The following PLCB1 variants were observed in gnomAD, a reference collection of about 807,000 sequenced individuals.
PLCB1 encodes the protein phospholipase C beta 1.
PLCB1 carries 46 observed loss-of-function variants against 161.8 expected under a neutral mutation model. The ratio of observed to expected loss-of-function variants is 0.28; its 90% CI spans 0.22 to 0.36. The LOEUF (loss-of-function observed/expected upper bound fraction) is 0.36. PLCB1 is among the 10% of genes least tolerant of loss of function. The pLI, the probability that PLCB1 is intolerant of heterozygous loss-of-function variation, is 1.00. For synonymous variants in PLCB1, 517 were observed against 503.7 expected (o/e 1.03, Z -0.35); for missense variants, 1,016 against 1,472.5 (o/e 0.69, Z 5.07).
intron 3 of PLCB1, among the ~76,000 whole-genome samples, chr20:8,509,556 G>A (rs1983782628): frequency 6.6e-6 from 1 of 152,048 alleles, no homozygotes; most frequent in African/African-American, 2.4e-5. Context: ...AAGAGAGAGT[G>A]GATATTTCAG....
intron 2 of PLCB1, among the ~76,000 whole-genome samples, chr20:8,166,349 A>G (rs2051674826): frequency 6.6e-6 from 1 of 152,116 alleles, no homozygotes; most frequent in African/African-American, 2.4e-5. Context: ...ATTTTTATAT[A>G]ATTTTACATT....
chr20:8,327,730 C>T (rs6055737), intron 2 of PLCB1, among the ~76,000 whole-genome samples: 14,110 of 152,122 alleles, frequency 0.093, 1,266 homozygotes, highest in African/African-American at 0.23. Flanking sequence ...TTTTAGTTCA[C>T]TTGTGCCTTC....
At chr20:8,450,249 T>C (rs879222154) in intron 3 of PLCB1, among the ~76,000 whole-genome samples, 1 of 152,208 alleles carries the variant, frequency 6.6e-6, no homozygotes, top group Non-Finnish European at 1.5e-5. Flanking sequence ...TCATTTCTCT[T>C]GAAAAATTTC....
At chr20:8,560,512 C>A (rs1266400495) in intron 3 of PLCB1, among the ~76,000 whole-genome samples, 1 of 151,974 alleles carries the variant, frequency 6.6e-6, no homozygotes, top group Non-Finnish European at 1.5e-5. Flanking sequence ...CAATCAGAAT[C>A]TCTGAGAATT....
chr20:8,661,211 C>T (rs918678394), intron 9 of PLCB1, among the ~76,000 whole-genome samples: 1 of 152,112 alleles, frequency 6.6e-6, no homozygotes, highest in African/African-American at 2.4e-5. Flanking sequence ...CTAGAAGATG[C>T]ACCTGCTCAT....
rs886056969 is a variant in PLCB1, at chr20:8,882,272, G to A, written c.*423G>A. The A allele has an allele frequency of 1.2e-5, 2 of 165,650 alleles. No individual in the cohort carries two copies. Among genetic ancestry groups the A allele is most frequent in the African/African-American group, 2.4e-5 (1 of 41,532 alleles). 10.3% of individuals were successfully genotyped at this position (165,650 alleles called of 1,614,324 possible). On this transcript the variant is annotated 3_prime_UTR_variant, in exon 32 of 32. Coordinates refer to ENST00000338037, the MANE Select transcript of PLCB1 (RefSeq NM_015192.4). ...CATTATTTAACACTATTGAACAGCC[G>A]ACTTTGAGCATTGTTTCTTCTAACT...
At chr20:8,543,538 T>C (rs1354219893) in intron 3 of PLCB1, among the ~76,000 whole-genome samples, 1 of 151,628 alleles carries the variant, frequency 6.6e-6, no homozygotes, top group Non-Finnish European at 1.5e-5. Flanking sequence ...ATTACACTCA[T>C]GTATATATTT....
Position 8,724,512 on chromosome 20 carries a change from C to T in PLCB1, c.1582-144C>T, listed in dbSNP as rs922288969. ...ATGAGGTGTTGCTGTTGCCTTTCTC[C>T]TGTAATGAATTTTCATTTTGTAATT... is the stretch of plus-strand genomic sequence containing the variant. On this transcript the variant is annotated intron_variant, in intron 15 of 31. Coordinates refer to ENST00000338037, the MANE Select transcript of PLCB1 (RefSeq NM_015192.4). 7 of 635,094 alleles carry T rather than the reference C, an allele frequency of 1.1e-5. No homozygotes were observed. The African/African-American group carries it at 1.1e-4, about 10-fold the overall frequency. The allele number at this position is 635,094 out of a possible 1,614,324, so 39.3% of individuals were successfully genotyped here.
intron 7 of PLCB1, chr20:8,651,563 T>C (rs780896920): frequency 2.8e-6 from 2 of 713,352 alleles, no homozygotes; most frequent in Non-Finnish European, 5.2e-6. Context: ...AGGAAAAATA[T>C]AACAATTAAG....
chr20:8,804,593 T>A (rs1984436830), intron 31 of PLCB1, among the ~76,000 whole-genome samples: 2 of 152,228 alleles, frequency 1.3e-5, no homozygotes. Flanking sequence ...AAGATTTTTG[T>A]ACTAATTTTA....
At chr20:8,807,018 T>C (rs1984569801) in intron 31 of PLCB1, among the ~76,000 whole-genome samples, 1 of 152,176 alleles carries the variant, frequency 6.6e-6, no homozygotes. Context: ...AATACCTAAA[T>C]AGATTCCCGA....
intron 2 of PLCB1, among the ~76,000 whole-genome samples, chr20:8,315,020 A>G (rs1237735617): frequency 1.3e-5 from 2 of 152,196 alleles, no homozygotes; most frequent in Non-Finnish European, 2.9e-5. Context: ...ACATCTGAGG[A>G]TGGAGCTCAA....
In PLCB1 at chr20:8,646,199, T is replaced by A. The variant is rs1235298733; in HGVS notation, c.464+18T>A. Reference sequence around the variant, plus strand: ...GAAAAAGCGTAAGTCACTCTAATTTTATTGCTAAGGGCGTTGCTTCTTCTG... The same window carrying A: ...GAAAAAGCGTAAGTCACTCTAATTTAATTGCTAAGGGCGTTGCTTCTTCTG... On this transcript the variant is annotated intron_variant, in intron 5 of 31. Coordinates refer to ENST00000338037, the MANE Select transcript of PLCB1 (RefSeq NM_015192.4). 6 of 1,541,218 alleles carry A rather than the reference T, an allele frequency of 3.9e-6. No individual in the cohort carries two copies. In the East Asian group the frequency reaches 6.7e-5, roughly 17 times the overall value.
chr20:8,639,170 A>G (rs542077132), intron 4 of PLCB1, among the ~76,000 whole-genome samples: 2 of 152,308 alleles, frequency 1.3e-5, no homozygotes, highest in East Asian at 3.9e-4. Flanking sequence ...CTGTCTGCAA[A>G]GAGGCAGGGA....
At chr20:8,754,048 A>G (rs937280725) in intron 23 of PLCB1, among the ~76,000 whole-genome samples, 1 of 152,172 alleles carries the variant, frequency 6.6e-6, no homozygotes, top group Admixed American at 6.5e-5. Flanking sequence ...TCTAAAGCCT[A>G]CTTCAAAGTC....
At chr20:8,216,679 G>A (rs1435878985) in intron 2 of PLCB1, among the ~76,000 whole-genome samples, 2 of 151,964 alleles carry the variant, frequency 1.3e-5, no homozygotes, top group South Asian at 2.1e-4. Flanking sequence ...TCAGAGAAAA[G>A]GCCCCACAAA....
intron 31 of PLCB1, among the ~76,000 whole-genome samples, chr20:8,842,642 T>C (rs1384488713): frequency 1.3e-5 from 2 of 152,146 alleles, no homozygotes; most frequent in Non-Finnish European, 2.9e-5. Flanking sequence ...GAGTGAGCAA[T>C]TCCTGTCCCT....
intron 3 of PLCB1, among the ~76,000 whole-genome samples, chr20:8,465,315 T>C (rs1981769538): frequency 6.6e-6 from 1 of 152,140 alleles, no homozygotes; most frequent in African/African-American, 2.4e-5. Context: ...AGTAGTATGA[T>C]GCAAGCCATA....
chr20:8,402,235 T>TA (rs1204663552), intron 3 of PLCB1, among the ~76,000 whole-genome samples: 1 of 152,198 alleles, frequency 6.6e-6, no homozygotes, highest in Non-Finnish European at 1.5e-5. Flanking sequence ...GTGTATTTTT[T>TA]ATTGGTATTT....
Sources: gnomAD v4.1 joint callset for allele counts (sites outside exome capture counted in the v4.1 genomes callset) on GRCh38, gnomAD v4.1.1 for gene constraint, MANE v1.5 for transcripts, NCBI Gene and HGNC (gene_info 2026-07-23, HGNC 2026-07-21) for gene names.